FBXL17: variants seen among roughly 807,000 people sequenced by gnomAD.
FBXL17 encodes F-box/LRR-repeat protein 17.
A neutral mutation model predicts 66.2 loss-of-function variants in FBXL17; 22 were observed. The ratio of observed to expected loss-of-function variants is 0.33; its 90% CI spans 0.24 to 0.47. FBXL17 has a LOEUF of 0.47. FBXL17 is among the 20% of genes least tolerant of loss of function. The pLI is 1.00. For synonymous variants in FBXL17, 474 were observed against 400.5 expected, an observed-to-expected ratio of 1.18 and a Z score of -2.19; for missense variants, 878 against 948.2, an observed-to-expected ratio of 0.93 and a Z score of 0.97.
chr5:108,123,265 T>C (rs1234430096), intron 6 of FBXL17, among the ~76,000 whole-genome samples: 1 of 151,994 alleles, frequency 6.6e-6, no homozygotes, highest in African/African-American at 2.4e-5. Context: ...TACAGTTTTA[T>C]CCTGAAAGAA....
intron 7 of FBXL17, among the ~76,000 whole-genome samples, chr5:107,933,336 G>C (rs1157436453): frequency 6.6e-6 from 1 of 152,026 alleles, no homozygotes. Context: ...CCACACATTC[G>C]GTCTGGGTAT....
chr5:108,097,203 G>A (rs917579654), intron 6 of FBXL17, among the ~76,000 whole-genome samples: 3 of 152,040 alleles, frequency 2.0e-5, no homozygotes, highest in African/African-American at 4.8e-5. Flanking sequence ...CTTTCTAGCC[G>A]CCTTGTGAAG....
intron 1 of FBXL17, among the ~76,000 whole-genome samples, chr5:108,375,943 G>T (rs545593736): frequency 6.6e-6 from 1 of 152,166 alleles, no homozygotes; most frequent in South Asian, 2.1e-4. Context: ...TTTATCCCAG[G>T]AATGCAAGGA....
intron 1 of FBXL17, among the ~76,000 whole-genome samples, chr5:108,372,507 G>A (rs553850141): frequency 5.9e-5 from 9 of 152,012 alleles, no homozygotes; most frequent in Admixed American, 1.3e-4. Context: ...GACAAAAACC[G>A]AGAGAACCCT....
At chr5:108,237,910 C>CA (rs1437013742) in intron 4 of FBXL17, among the ~76,000 whole-genome samples, 1 of 152,070 alleles carries the variant, frequency 6.6e-6, no homozygotes, top group Non-Finnish European at 1.5e-5. Context: ...TTTAAATTCA[C>CA]AAAAAATATA....
At chr5:108,377,453 T>A (rs957045193) in intron 1 of FBXL17, among the ~76,000 whole-genome samples, 1 of 152,258 alleles carries the variant, frequency 6.6e-6, no homozygotes, top group African/African-American at 2.4e-5. Flanking sequence ...TTGCCCCAAA[T>A]TGAATCAGCT....
chr5:107,918,895 T>C (rs1750220276), intron 7 of FBXL17, among the ~76,000 whole-genome samples: 1 of 152,174 alleles, frequency 6.6e-6, no homozygotes, highest in African/African-American at 2.4e-5. Context: ...AGGGAAGCCA[T>C]GCATGAGCTC....
intron 7 of FBXL17, among the ~76,000 whole-genome samples, chr5:107,955,612 T>C (rs1751638857): frequency 6.6e-6 from 1 of 152,192 alleles, no homozygotes; most frequent in Admixed American, 6.5e-5. Flanking sequence ...CTTTAGTAAG[T>C]GTCACCAACA....
intron 7 of FBXL17, among the ~76,000 whole-genome samples, chr5:107,934,493 TA>T (rs745647333): frequency 6.6e-6 from 1 of 152,212 alleles, no homozygotes; most frequent in Admixed American, 6.5e-5. Flanking sequence ...TGAAGTACTA[TA>T]ATGTCACCAA....
intron 6 of FBXL17, among the ~76,000 whole-genome samples, chr5:108,109,599 TG>T (rs1392764328): frequency 2.0e-5 from 3 of 152,226 alleles, no homozygotes; most frequent in African/African-American, 7.2e-5. Flanking sequence ...TACATTTGTA[TG>T]TTTTTTTTCT....
chr5:108,177,820 G>C (rs1417514504), intron 6 of FBXL17, among the ~76,000 whole-genome samples: 1 of 150,802 alleles, frequency 6.6e-6, no homozygotes, highest in Non-Finnish European at 1.5e-5. Flanking sequence ...ATAAAACAAT[G>C]TGTATAAACA....
intron 6 of FBXL17, among the ~76,000 whole-genome samples, chr5:108,158,495 G>T (rs141274810): frequency 9.3e-6 from 1 of 107,064 alleles, no homozygotes; most frequent in South Asian, 4.8e-4. Context: ...ACAGTGGGGC[G>T]TGTGTGTGTG....
At chr5:107,921,434 C>T (rs972884135) in intron 7 of FBXL17, among the ~76,000 whole-genome samples, 4 of 152,122 alleles carry the variant, frequency 2.6e-5, no homozygotes, top group South Asian at 2.1e-4. Context: ...ATCAATGAGC[C>T]GCTTTAGTAG....
chr5:108,128,922 A>G (rs1447684701), intron 6 of FBXL17, among the ~76,000 whole-genome samples: 1 of 152,166 alleles, frequency 6.6e-6, no homozygotes. Flanking sequence ...ACCAAGCTCA[A>G]TTACTACATT....
rs1229583589 is a variant in FBXL17, at chr5:108,381,488, G to C, written c.204C>G (p.Pro68=). 2 of 1,350,616 alleles carry C rather than the reference G, an allele frequency of 1.5e-6. No homozygotes were observed. Among genetic ancestry groups the C allele is most frequent in the Non-Finnish European group, 1.9e-6 (2 of 1,059,278 alleles). The allele number at this position is 1,350,616 out of a possible 1,614,324, so 83.7% of individuals were successfully genotyped here. A position where few individuals can be genotyped will look rare whatever the true frequency, so the allele number is the denominator to read the frequency against. The change falls in exon 1 of 9, where the codon CCC becomes CCG. Residue 68 remains proline, a synonymous_variant. Transcript: ENST00000542267. ...CTGGGCCGGCGGGGGCGGGCGCGCC[G>C]GGACTGTGCACGATGAAGCAGAGCA... ...PCMLCFIVHS[P]GAPAPAGPEE... is the part of the protein sequence containing the mutation.
chr5:107,989,804 T>C (rs1753167614), intron 7 of FBXL17, among the ~76,000 whole-genome samples: 1 of 152,164 alleles, frequency 6.6e-6, no homozygotes, highest in Admixed American at 6.5e-5. Context: ...TTGCAGCTTG[T>C]AATATTTCTA....
At chr5:107,921,319 T>C (rs969868228) in intron 7 of FBXL17, among the ~76,000 whole-genome samples, 1 of 152,202 alleles carries the variant, frequency 6.6e-6, no homozygotes, top group Non-Finnish European at 1.5e-5. Flanking sequence ...CACCTTCATT[T>C]AGTGTGCCAA....
chr5:108,380,733 T>G lies in FBXL17; in HGVS notation c.959A>C (p.Asp320Ala). ...CHREPPPETP[D>A]INQLPPSILL... ...GATGGACGGCGGCAGCTGGTTGATG[T>G]CTGGGGTTTCGGGGGGCGGCTCCCT... The change falls in exon 1 of 9, where the codon GAC (aspartate) becomes GCC (alanine). Residue 320 changes from aspartate to alanine, a missense_variant. Asp to Ala is a moderately radical substitution (Grantham distance 126). This residue lies in a region of FBXL17 where 605 missense variants were observed against 509.5 expected (regional missense o/e 1.19). Transcript: ENST00000542267. 1 of 1,249,680 alleles carries G rather than the reference T, an allele frequency of 8.0e-7. No individual in the cohort carries two copies. Among genetic ancestry groups the G allele is most frequent in the Non-Finnish European group, 1.0e-6 (1 of 989,510 alleles). 77.4% of individuals were successfully genotyped at this position (1,249,680 alleles called of 1,614,324 possible).
intron 3 of FBXL17, among the ~76,000 whole-genome samples, chr5:108,356,638 A>G (rs1379941430): frequency 1.3e-5 from 2 of 152,100 alleles, no homozygotes; most frequent in African/African-American, 4.8e-5. Flanking sequence ...AAAGACAATA[A>G]AAACATCAGG....
Sources: allele counts gnomAD v4.1 joint callset (sites outside exome capture counted in the v4.1 genomes callset), GRCh38; gene constraint gnomAD v4.1.1; regional missense constraint gnomAD v4.1.1; transcripts MANE v1.5; gene names NCBI Gene and HGNC (gene_info 2026-07-23, HGNC 2026-07-21).